ADAM19: variants seen among roughly 807,000 people sequenced by gnomAD.
ADAM19 encodes disintegrin and metalloproteinase domain-containing protein 19.
In ADAM19, 65 loss-of-function variants were observed where a neutral mutation model predicts 114.7. The observed-to-expected ratio is 0.57, with a 90% CI of 0.46 to 0.70. The LOEUF (loss-of-function observed/expected upper bound fraction) is 0.70. Among genes scored for constraint, ADAM19 ranks in the 30% least tolerant of loss-of-function variants. ADAM19 has a pLI of 0.00. For synonymous variants in ADAM19, 466 were observed against 460.5 expected, an observed-to-expected ratio of 1.01 and a Z score of -0.15; for missense variants, 1,063 against 1,204.7, an observed-to-expected ratio of 0.88 and a Z score of 1.74.
chr5:157,535,350 C>T (rs968437442), intron 4 of ADAM19, among the ~76,000 whole-genome samples: 1 of 152,204 alleles, frequency 6.6e-6, no homozygotes, highest in Non-Finnish European at 1.5e-5. Context: ...GATAAGGTTC[C>T]CAGAACTCCA....
At chr5:157,532,467 G>T (rs895923652) in intron 4 of ADAM19, among the ~76,000 whole-genome samples, 1 of 152,176 alleles carries the variant, frequency 6.6e-6, no homozygotes, top group Non-Finnish European at 1.5e-5. Context: ...AGACAGAAGG[G>T]GGTGAAATCA....
intron 5 of ADAM19, 82 bp from the exon 6 acceptor site, chr5:157,520,113 T>A: frequency 7.3e-7 from 1 of 1,364,594 alleles, no homozygotes; most frequent in Admixed American, 2.2e-5. Flanking sequence ...TTTCTCCATA[T>A]GCAAAATGAC....
Position 157,505,744 on chromosome 5 carries a change from C to A in ADAM19, c.1055G>T (p.Gly352Val), listed in dbSNP as rs780718050. 6.2e-7 allele frequency: 1 copy of A among 1,614,114 alleles called. No homozygotes were observed. Among genetic ancestry groups the A allele is most frequent in the Admixed American group, 1.7e-5 (1 of 60,020 alleles). ...TMAHEMGHNF[G>V]MTHDSADCCS... is the part of the protein sequence containing the mutation. ...GCAATCTGCAGAATCATGGGTCATG[C>A]CAAAGTTGTGGCCCATCTCGTGGGC... Residue 352 changes from glycine (G) to valine (V), a missense_variant, in exon 11 of 23, where the codon GGC becomes GTC. This residue lies in a region of ADAM19 where 615 missense variants were observed against 706.3 expected (regional missense o/e 0.87). Transcript: ENST00000257527.
intron 5 of ADAM19, among the ~76,000 whole-genome samples, chr5:157,521,207 G>C (rs1194831320): frequency 6.6e-6 from 1 of 152,196 alleles, no homozygotes; most frequent in East Asian, 1.9e-4. Context: ...CTAATGATCA[G>C]TGAAGGCCCA....
At position 157,492,984 on chromosome 5, in the gene ADAM19, C is replaced by G; in HGVS notation, c.1897G>C (p.Gly633Arg). Residue 633 changes from glycine to arginine, a missense_variant, in exon 16 of 23, where the codon GGC (glycine) becomes CGC (arginine). Physicochemically the swap from Gly to Arg is moderately radical, Grantham distance 125. Around this residue, in one of 3 missense-constraint regions of ADAM19, gnomAD observed 424 missense variants for 445.5 expected, o/e 0.95. Coordinates refer to ENST00000257527, the MANE Select transcript of ADAM19 (RefSeq NM_033274.5). ...GGGAGGGGACTCACATGGTTGTAGC[C>G]ACACTTGGTTCCAGTCATCACCAGC... The part of the protein sequence containing the change: ...PGLVMTGTKC[G>R]YNHICFEGQC... 1 of 1,614,230 alleles carries G rather than the reference C, an allele frequency of 6.2e-7. No homozygotes were observed. Among genetic ancestry groups the G allele is most frequent in the South Asian group, 1.1e-5 (1 of 91,090 alleles).
chr5:157,563,447 C>G (rs1337981870), intron 3 of ADAM19, among the ~76,000 whole-genome samples: 1 of 152,210 alleles, frequency 6.6e-6, no homozygotes, highest in Non-Finnish European at 1.5e-5. Flanking sequence ...AAAAGCTATT[C>G]CCATCCTTTT....
At position 157,481,877 on chromosome 5, in the gene ADAM19, G is replaced by T. The variant is rs770053170; in HGVS notation, c.2617C>A (p.Leu873Ile). Residue 873 changes from leucine (L) to isoleucine (I), a missense_variant, in exon 22 of 23, where the codon CTC (leucine) becomes ATC (isoleucine). Coordinates refer to ENST00000257527, the MANE Select transcript of ADAM19 (RefSeq NM_033274.5). ...PANPVPGRRS[L>I]PRPGGASPLR... ...GGGGATGCACCTCCTGGCCTGGGGA[G>T]GCTCCTGCGGCCTGGCACTGGGTTT... The T allele has an allele frequency of 3.0e-5, 48 of 1,598,966 alleles. 1 individual carries two copies. The South Asian group carries it at 4.3e-4, about 14-fold the overall frequency.
intron 3 of ADAM19, among the ~76,000 whole-genome samples, chr5:157,544,575 A>T (rs1030102348): frequency 3.2e-4 from 48 of 152,364 alleles, no homozygotes; most frequent in African/African-American, 1.0e-3. Context: ...CTCTCTGCAC[A>T]AATAGAGCTG....
chr5:157,524,051 G>T (rs547535592), intron 5 of ADAM19, among the ~76,000 whole-genome samples: 9 of 152,348 alleles, frequency 5.9e-5, no homozygotes, highest in Non-Finnish European at 1.2e-4. Flanking sequence ...CAGACGGCCT[G>T]GGGATGGAGG....
chr5:157,526,485 T>A (rs1163945200), intron 5 of ADAM19, among the ~76,000 whole-genome samples: 4 of 152,184 alleles, frequency 2.6e-5, no homozygotes, highest in African/African-American at 4.8e-5. Flanking sequence ...ACACAGAGTT[T>A]CCCAGAACAC....
At chr5:157,531,268 G>T (rs1756616577) in intron 4 of ADAM19, among the ~76,000 whole-genome samples, 1 of 152,158 alleles carries the variant, frequency 6.6e-6, no homozygotes, top group South Asian at 2.1e-4. Context: ...TGTTATCTTT[G>T]CAACCCCCTG....
At position 157,480,950 on chromosome 5, in the gene ADAM19, T is replaced by C; in HGVS notation, c.2756A>G (p.Ter919TrpextTer67). 6.2e-7 allele frequency: 1 copy of C among 1,614,090 alleles called. No homozygotes were observed. The highest frequency in any genetic ancestry group is 8.5e-7 in the Non-Finnish European group (1 of 1,179,996). The change falls in exon 23 of 23, where the codon TAG (stop) becomes TGG (tryptophan). Residue 919 changes from the stop codon to tryptophan (W), a stop_lost. Transcript: ENST00000257527. ...AAGGGAGAAGCCCCTTGGACAGGTC[T>C]AGATTTTCGAGCTAATCATCCCTCC... The part of the protein sequence containing the change: ...RAGGMISSKI[*>W]
chr5:157,480,773 C>A lies in ADAM19; in HGVS notation c.*176G>T. ...TCAGATCATAGTCCCTCTGGGCTTCCAAGGAAGCCGAGGAGGCACTGAGTC... is the reference window on the plus strand; with the variant it reads ...TCAGATCATAGTCCCTCTGGGCTTCAAAGGAAGCCGAGGAGGCACTGAGTC... On this transcript the variant is annotated 3_prime_UTR_variant, in exon 23 of 23. Transcript: ENST00000257527. 1 of 1,446,010 alleles carries A rather than the reference C, an allele frequency of 6.9e-7. No homozygotes were observed. Among genetic ancestry groups the A allele is most frequent in the Non-Finnish European group, 9.0e-7 (1 of 1,106,156 alleles). The allele number at this position is 1,446,010 out of a possible 1,614,324, so 89.6% of individuals were successfully genotyped here. A position where few individuals can be genotyped will look rare whatever the true frequency, so the allele number is the denominator to read the frequency against.
At chr5:157,505,111 T>C in intron 11 of ADAM19, among the ~76,000 whole-genome samples, 1 of 126,182 alleles carries the variant, frequency 7.9e-6, no homozygotes. Flanking sequence ...AGAGCAAGAC[T>C]CTGTCTCAAA....
At chr5:157,519,708 G>T in intron 6 of ADAM19, 131 bp downstream of exon 6, 1 of 883,922 alleles carries the variant, frequency 1.1e-6, no homozygotes, top group Non-Finnish European at 1.7e-6. Flanking sequence ...CAGAATAAAA[G>T]AAAAACACTA....
At chr5:157,487,661 C>T (rs550947020) in intron 21 of ADAM19, among the ~76,000 whole-genome samples, 5 of 135,460 alleles carry the variant, frequency 3.7e-5, no homozygotes, top group African/African-American at 1.1e-4. Flanking sequence ...AGCACCAGGG[C>T]TGGTGGGGGA....
In ADAM19 at chr5:157,497,037, G is replaced by A. The variant is rs373149719; in HGVS notation, c.1451C>T (p.Pro484Leu). The A allele has an allele frequency of 1.4e-5, 22 of 1,576,676 alleles. No individual in the cohort carries two copies. The highest frequency in any genetic ancestry group is 1.4e-4 in the African/African-American group (10 of 72,308). The stretch of plus-strand genomic sequence containing the variant: ...GGGAGACTTGCCCGTACAGAACTCC[G>A]GGAGGTCACACTGCCTGGCCTGCTC... ...CREQARQCDL[P>L]EFCTGKSPHC... Residue 484 changes from proline (P) to leucine (L), a missense_variant, in exon 14 of 23, where the codon CCG becomes CTG. By Grantham distance (98) the Pro-to-Leu change is moderately conservative. Around this residue, in one of 3 missense-constraint regions of ADAM19, gnomAD observed 615 missense variants for 706.3 expected, o/e 0.87. Transcript: ENST00000257527.
intron 21 of ADAM19, among the ~76,000 whole-genome samples, chr5:157,483,190 C>T (rs1754815048): frequency 1.3e-5 from 2 of 151,066 alleles, no homozygotes; most frequent in Admixed American, 6.6e-5. Context: ...GCACATGTAC[C>T]CCAGAACTTA....
chr5:157,547,139 C>T (rs1307537701), intron 3 of ADAM19, among the ~76,000 whole-genome samples: 1 of 152,134 alleles, frequency 6.6e-6, no homozygotes, highest in Non-Finnish European at 1.5e-5. Flanking sequence ...TATTGCATCC[C>T]CATGATGATC....
Sources: allele counts gnomAD v4.1 joint callset (sites outside exome capture counted in the v4.1 genomes callset), GRCh38; gene constraint gnomAD v4.1.1; regional missense constraint gnomAD v4.1.1; transcripts MANE v1.5; gene names NCBI Gene and HGNC (gene_info 2026-07-23, HGNC 2026-07-21).